Variants in PRKG1 observed in about 807,000 individuals in gnomAD.
The protein encoded by PRKG1 is protein kinase cGMP-dependent 1, also known as cGMP-dependent protein kinase 1.
PRKG1 carries 35 observed loss-of-function variants against 88.1 expected under a neutral mutation model. That is an observed-to-expected ratio of 0.40 (90% CI 0.30 to 0.53). The LOEUF (loss-of-function observed/expected upper bound fraction) is 0.53, where lower values mean the gene tolerates loss of function less well. PRKG1 is among the 20% of genes least tolerant of loss of function. The pLI, the probability that PRKG1 is intolerant of heterozygous loss-of-function variation, is 0.59. For synonymous variants in PRKG1, 303 were observed against 292.5 expected, an observed-to-expected ratio of 1.04 and a Z score of -0.37; for missense variants, 540 against 839.8, an observed-to-expected ratio of 0.64 and a Z score of 4.41.
chr10:51,580,574 C>T (rs946602721), intron 3 of PRKG1, among the ~76,000 whole-genome samples: 1 of 152,050 alleles, frequency 6.6e-6, no homozygotes, highest in Admixed American at 6.6e-5. Flanking sequence ...ATGCCATTTT[C>T]ATGGAAGAGA....
At chr10:51,378,888 G>A (rs951060877) in intron 2 of PRKG1, among the ~76,000 whole-genome samples, 1 of 152,164 alleles carries the variant, frequency 6.6e-6, no homozygotes, top group Non-Finnish European at 1.5e-5. Flanking sequence ...TTTTCCCAGT[G>A]TATTAATGCA....
chr10:52,246,124 A>C (rs1360402675), intron 9 of PRKG1, among the ~76,000 whole-genome samples: 1 of 152,138 alleles, frequency 6.6e-6, no homozygotes, highest in Admixed American at 6.6e-5. Flanking sequence ...TCTTAATAAT[A>C]ATGGTCAGTC....
At chr10:51,352,146 G>T (rs1842262589) in intron 2 of PRKG1, among the ~76,000 whole-genome samples, 1 of 152,046 alleles carries the variant, frequency 6.6e-6, no homozygotes, top group South Asian at 2.1e-4. Context: ...GATTACTGTA[G>T]CCCTGTAGTA....
chr10:51,838,709 T>A (rs1840191688), intron 4 of PRKG1, among the ~76,000 whole-genome samples: 1 of 152,124 alleles, frequency 6.6e-6, no homozygotes, highest in Non-Finnish European at 1.5e-5. Context: ...GCCTAAATTC[T>A]TGGAAAGCTT....
chr10:52,073,009 C>T (rs1053915038), intron 7 of PRKG1, among the ~76,000 whole-genome samples: 2 of 152,202 alleles, frequency 1.3e-5, no homozygotes, highest in Admixed American at 6.5e-5. Context: ...GTCAAAGTGT[C>T]ACCAGGCCAC....
chr10:51,784,119 G>A (rs1838668477), intron 3 of PRKG1, among the ~76,000 whole-genome samples: 2 of 151,948 alleles, frequency 1.3e-5, no homozygotes, highest in South Asian at 4.1e-4. Flanking sequence ...CCCTGCTCTG[G>A]CTGAGTTTGC....
intron 2 of PRKG1, among the ~76,000 whole-genome samples, chr10:51,231,693 T>G (rs957383371): frequency 2.6e-5 from 4 of 152,068 alleles, no homozygotes; most frequent in African/African-American, 9.7e-5. Context: ...CTGGAATTAT[T>G]TGGCAACATC....
At chr10:51,322,056 A>G (rs1564445822) in intron 2 of PRKG1, among the ~76,000 whole-genome samples, 1 of 152,180 alleles carries the variant, frequency 6.6e-6, no homozygotes, top group Non-Finnish European at 1.5e-5. Flanking sequence ...CCTCCTTTCA[A>G]GTTCTCAATT....
intron 3 of PRKG1, among the ~76,000 whole-genome samples, chr10:51,803,729 G>A (rs1281339263): frequency 2.0e-5 from 3 of 151,528 alleles, no homozygotes; most frequent in Non-Finnish European, 2.9e-5. Context: ...TTTTTTTTTA[G>A]TTCATTTGCT....
intron 2 of PRKG1, among the ~76,000 whole-genome samples, chr10:51,190,321 A>G (rs1196112339): frequency 6.6e-6 from 1 of 151,922 alleles, no homozygotes; most frequent in Non-Finnish European, 1.5e-5. Flanking sequence ...TATTGCACTG[A>G]GGTCTATAAT....
Position 51,243,904 on chromosome 10 carries a change from C to T in PRKG1, c.478+90574C>T, listed in dbSNP as rs1033316945. Among the ~76,000 whole-genome samples the T allele has an allele frequency of 7.2e-5, 11 of 152,304 alleles. No individual in the cohort carries two copies. The East Asian group carries it at 2.1e-3, about 29-fold the overall frequency. ...TTTTCCTGGTTAATTTCTAAAGACT[C>T]TTCTTACTGCTTTGGTAAATAAATT... On this transcript the variant is annotated intron_variant, in intron 2 of 17. Transcript: ENST00000373980.
intron 3 of PRKG1, among the ~76,000 whole-genome samples, chr10:51,771,265 C>T (rs11819300): frequency 0.37 from 56,218 of 152,030 alleles, 11,083 homozygotes; most frequent in Middle Eastern, 0.5. Flanking sequence ...ATTCCGTATG[C>T]GGTCCATTGT....
chr10:51,841,778 G>T (rs1840282417), intron 4 of PRKG1, among the ~76,000 whole-genome samples: 1 of 152,086 alleles, frequency 6.6e-6, no homozygotes, highest in South Asian at 2.1e-4. Context: ...TGCCTCCCAG[G>T]TTCAAGCGAT....
At chr10:52,177,968 C>CT (rs879382037) in intron 9 of PRKG1, among the ~76,000 whole-genome samples, 115 of 135,752 alleles carry the variant, frequency 8.5e-4, no homozygotes, top group South Asian at 1.2e-3. Flanking sequence ...TTTTGCATTG[C>CT]TTTTTTTTTT....
chr10:51,853,348 C>G (rs1006186658), intron 4 of PRKG1, among the ~76,000 whole-genome samples: 11 of 152,052 alleles, frequency 7.2e-5, no homozygotes, highest in African/African-American at 2.7e-4. Flanking sequence ...AAGACATATC[C>G]AAATCCCAAA....
chr10:51,685,242 G>T (rs1840958318), intron 3 of PRKG1, among the ~76,000 whole-genome samples: 1 of 152,140 alleles, frequency 6.6e-6, no homozygotes, highest in South Asian at 2.1e-4. Context: ...GACAAACTTG[G>T]ATTCAATGGT....
At chr10:52,228,066 A>T (rs927939687) in intron 9 of PRKG1, among the ~76,000 whole-genome samples, 3 of 152,242 alleles carry the variant, frequency 2.0e-5, no homozygotes, top group African/African-American at 7.2e-5. Context: ...ATTTCTCACG[A>T]TTTGGAATTT....
chr10:51,995,045 AT>A (rs771215780), intron 5 of PRKG1, among the ~76,000 whole-genome samples: 41 of 151,622 alleles, frequency 2.7e-4, no homozygotes, highest in Non-Finnish European at 4.4e-4. Flanking sequence ...GGCACTTAAT[AT>A]TCATACAAAC....
intron 7 of PRKG1, among the ~76,000 whole-genome samples, chr10:52,064,275 C>G (rs2133272820): frequency 6.6e-6 from 1 of 152,342 alleles, no homozygotes; most frequent in Middle Eastern, 3.4e-3. Flanking sequence ...GACTGGCATG[C>G]CAGCACTGCC....
Sources: allele counts gnomAD v4.1 joint callset (sites outside exome capture counted in the v4.1 genomes callset), GRCh38; gene constraint gnomAD v4.1.1; transcripts MANE v1.5; gene names NCBI Gene and HGNC (gene_info 2026-07-23, HGNC 2026-07-21).